The following GDAP1 variants were observed in gnomAD, a reference collection of about 807,000 sequenced individuals.
GDAP1 encodes ganglioside-induced differentiation-associated protein 1.
In GDAP1, 34 loss-of-function variants were observed where a neutral mutation model predicts 40.1. The observed-to-expected ratio is 0.85, with a 90% CI of 0.64 to 1.13. The LOEUF (loss-of-function observed/expected upper bound fraction) is 1.13. Ranked by LOEUF, GDAP1 falls within the 50% of genes most tolerant of loss-of-function variation. GDAP1 has a pLI of 0.00. For synonymous variants in GDAP1, 170 were observed against 157.4 expected (o/e 1.08, Z -0.60); for missense variants, 374 against 433.7 (o/e 0.86, Z 1.22).
chr8:74,471,111 A>C (rs1386451957), intron 2 of GDAP1, among the ~76,000 whole-genome samples: 4 of 151,700 alleles, frequency 2.6e-5, no homozygotes, highest in Non-Finnish European at 4.4e-5. Flanking sequence ...TTTTTCTTGT[A>C]AATTTGTTTG....
chr8:74,391,702 T>A (rs991912010), intron 2 of GDAP1, among the ~76,000 whole-genome samples: 1 of 152,068 alleles, frequency 6.6e-6, no homozygotes, highest in African/African-American at 2.4e-5. Context: ...AAAGTTAATA[T>A]TACTGGTTAA....
At chr8:74,356,702 G>GTATATA (rs1165545008) in intron 2 of GDAP1, among the ~76,000 whole-genome samples, 5 of 68,178 alleles carry the variant, frequency 7.3e-5, no homozygotes, top group African/African-American at 1.7e-4. Context: ...TTGTGTGTGT[G>GTATATA]TATATATATA....
chr8:74,434,406 T>C (rs1275010078), intron 2 of GDAP1, among the ~76,000 whole-genome samples: 3 of 152,210 alleles, frequency 2.0e-5, no homozygotes, highest in Non-Finnish European at 2.9e-5. Context: ...TCTCATGAAG[T>C]AATTAGACCA....
intron 2 of GDAP1, among the ~76,000 whole-genome samples, chr8:74,395,946 G>A (rs945761282): frequency 1.3e-5 from 2 of 152,192 alleles, no homozygotes; most frequent in Admixed American, 1.3e-4. Context: ...ACATATTAAC[G>A]TACGGTGAAG....
downstream of GDAP1, among the ~76,000 whole-genome samples, chr8:74,370,493 C>A (rs1057329314): frequency 6.6e-6 from 1 of 152,072 alleles, no homozygotes; most frequent in East Asian, 1.9e-4. Context: ...GATAAGAACA[C>A]GTTGTTAGCT....
chr8:74,466,165 A>C (rs972137447), intron 2 of GDAP1, among the ~76,000 whole-genome samples: 2 of 152,222 alleles, frequency 1.3e-5, no homozygotes, highest in African/African-American at 2.4e-5. Context: ...ATATGACTTC[A>C]TAAAAAAATG....
At chr8:74,398,628 A>G (rs1437360040) in intron 2 of GDAP1, among the ~76,000 whole-genome samples, 1 of 152,020 alleles carries the variant, frequency 6.6e-6, no homozygotes, top group Non-Finnish European at 1.5e-5. Context: ...TCTTGTGCCC[A>G]TTTTCAAAGG....
At chr8:74,439,806 A>G (rs1483228436) in intron 2 of GDAP1, among the ~76,000 whole-genome samples, 2 of 152,014 alleles carry the variant, frequency 1.3e-5, no homozygotes, top group Admixed American at 1.3e-4. Flanking sequence ...AACTGTTGTA[A>G]TAAAGACTTT....
At chr8:74,355,162 TG>T (rs1453331156) in intron 2 of GDAP1, among the ~76,000 whole-genome samples, 1 of 152,188 alleles carries the variant, frequency 6.6e-6, no homozygotes, top group African/African-American at 2.4e-5. Context: ...TGTTGGATAA[TG>T]GCTGTATTTG....
intron 2 of GDAP1, among the ~76,000 whole-genome samples, chr8:74,474,970 A>G (rs1806607176): frequency 6.6e-6 from 1 of 151,708 alleles, no homozygotes; most frequent in Non-Finnish European, 1.5e-5. Flanking sequence ...TTTGGCGCTC[A>G]TTGTTGGTCT....
intron 2 of GDAP1, among the ~76,000 whole-genome samples, chr8:74,414,413 G>A (rs1805754002): frequency 6.7e-6 from 1 of 149,836 alleles, no homozygotes; most frequent in African/African-American, 2.6e-5. Flanking sequence ...TGAAATGTAT[G>A]GAAAGATAGA....
At chr8:74,466,633 G>GGATA (rs1806473284) in intron 2 of GDAP1, among the ~76,000 whole-genome samples, 1 of 152,160 alleles carries the variant, frequency 6.6e-6, no homozygotes, top group African/African-American at 2.4e-5. Flanking sequence ...ATAACTGGAA[G>GGATA]GATAGACTAA....
rs896559706 is a variant in GDAP1 at position 74,365,739 on chromosome 8, A to G, written c.*1372A>G. The G allele has an allele frequency of 2.9e-5, 13 of 454,436 alleles. No homozygotes were observed. The highest frequency in any genetic ancestry group is 4.9e-5 in the Non-Finnish European group (11 of 226,800). 28.2% of individuals were successfully genotyped at this position (454,436 alleles called of 1,614,324 possible). A position where few individuals can be genotyped will look rare whatever the true frequency, so the allele number is the denominator to read the frequency against. On this transcript the variant is annotated 3_prime_UTR_variant, in exon 6 of 6. Transcript: ENST00000220822. Reference sequence around the variant, plus strand: ...TATTTTGATGCTGTAATTCCATTTCATGACCTAGTTGTATTAGAAAACCTT... The same window carrying G: ...TATTTTGATGCTGTAATTCCATTTCGTGACCTAGTTGTATTAGAAAACCTT...
chr8:74,472,704 GCTTT>G (rs1806572967), intron 2 of GDAP1, among the ~76,000 whole-genome samples: 4 of 134,688 alleles, frequency 3.0e-5, no homozygotes, highest in Admixed American at 2.3e-4. Flanking sequence ...TCGATATTGA[GCTTT>G]CTTTTCTTTT....
Position 74,360,118 on chromosome 8 carries a change from TTG to T in GDAP1, c.311-9_311-8del. 5.0e-6 allele frequency: 8 copies of T among 1,587,192 alleles called. No homozygotes were observed. Among genetic ancestry groups the T allele is most frequent in the East Asian group, 2.2e-5 (1 of 44,734 alleles). On this transcript the variant is annotated splice_polypyrimidine_tract_variant and intron_variant, in intron 2 of 5. Coordinates refer to ENST00000220822, the MANE Select transcript of GDAP1 (RefSeq NM_018972.4). The stretch of plus-strand genomic sequence containing the variant: ...TCATGTGTAACTTTTTCTTCAATAT[TTG>T]TGTGTGTGTATTTTAGAAAGAACAC...
chr8:74,452,170 T>C lies in GDAP1; in HGVS notation c.166-36508T>C, dbSNP rs188884602. Among the ~76,000 whole-genome samples, 55 of 81,868 alleles carry C rather than the reference T, an allele frequency of 6.7e-4. 18 individuals carry two copies. Among genetic ancestry groups the C allele is most frequent in the Admixed American group, 3.4e-3 (27 of 7,944 alleles). 53.7% of individuals were successfully genotyped at this position (81,868 alleles called of 152,430 possible). A position where few individuals can be genotyped will look rare whatever the true frequency, so the allele number is the denominator to read the frequency against. ...TTTCACTGTGTTAGCCAGGGTGGTC[T>C]TGATCTCCTGACCTTGTGATCTGCC... On this transcript the variant is annotated intron_variant, in intron 2 of 2. Coordinates refer to the GDAP1 transcript ENST00000523640.
chr8:74,451,176 A>C lies in GDAP1; in HGVS notation c.166-37502A>C, dbSNP rs181612772. ...CTTTAAGGAAATTAAGAGGCTGGGC[A>C]TGGTAGCTCATGCCTGTAATCCTAG... is the stretch of plus-strand genomic sequence containing the variant. On this transcript the variant is annotated intron_variant, in intron 2 of 2. Coordinates refer to the GDAP1 transcript ENST00000523640. Among the ~76,000 whole-genome samples, 2 of 83,512 alleles carry C rather than the reference A, an allele frequency of 2.4e-5. 1 individual carries two copies. The highest frequency in any genetic ancestry group is 7.0e-4 in the East Asian group (2 of 2,858). 54.8% of individuals were successfully genotyped at this position (83,512 alleles called of 152,430 possible).
At chr8:74,472,839 C>G (rs1806577009) in intron 2 of GDAP1, among the ~76,000 whole-genome samples, 2 of 151,950 alleles carry the variant, frequency 1.3e-5, no homozygotes. Flanking sequence ...CTTCTGCCTC[C>G]CAAACTCAAG....
At chr8:74,446,934 GTACTGA>G (rs568014906) in intron 2 of GDAP1, among the ~76,000 whole-genome samples, 2 of 152,158 alleles carry the variant, frequency 1.3e-5, no homozygotes, top group East Asian at 3.9e-4. Context: ...ACTATTATGG[GTACTGA>G]TTTTTTTGGG....
Sources: gnomAD v4.1 joint callset for allele counts (sites outside exome capture counted in the v4.1 genomes callset) on GRCh38, gnomAD v4.1.1 for gene constraint, MANE v1.5 for transcripts, NCBI Gene and HGNC (gene_info 2026-07-23, HGNC 2026-07-21) for gene names.